The following ITLN2 variants were observed in gnomAD, a reference collection of about 807,000 sequenced individuals.
The protein encoded by ITLN2 is intelectin 2.
A neutral mutation model predicts 39.4 loss-of-function variants in ITLN2; 29 were observed. That is an observed-to-expected ratio of 0.74 (90% confidence interval 0.55 to 1.00). ITLN2 has a LOEUF of 1.00. Ranked by LOEUF, ITLN2 falls within the 50% of genes least tolerant of loss-of-function variation. ITLN2 has a pLI of 0.00. For synonymous variants in ITLN2, 156 were observed against 153.4 expected (o/e 1.02, Z -0.12); for missense variants, 412 against 416.7 (o/e 0.99, Z 0.10).
In ITLN2 at chr1:160,950,604, G is replaced by C; in HGVS notation, c.549C>G (p.Thr183=). ...CCAGTCTCTGGAGGAAGCCAGTGTT[G>C]GTGCGGTACCTCAGCAGGGCGCTGT... is the stretch of plus-strand genomic sequence containing the variant. ...WRNSALLRYR[T]NTGFLQRLGH... is the part of the protein sequence containing the mutation. Residue 183 remains threonine (T), a synonymous_variant, in exon 5 of 8, where the codon ACC becomes ACG. Coordinates refer to ENST00000368029, the MANE Select transcript of ITLN2 (RefSeq NM_080878.3). The C allele has an allele frequency of 1.2e-6, 2 of 1,614,232 alleles. No homozygotes were observed. The highest frequency in any genetic ancestry group is 1.7e-6 in the Non-Finnish European group (2 of 1,180,042).
chr1:160,949,952 T>C, intron 6 of ITLN2, 94 bp downstream of exon 6: 1 of 1,175,442 alleles, frequency 8.5e-7, no homozygotes, highest in South Asian at 1.5e-5. Flanking sequence ...AAGTGCTCAG[T>C]AAATACTAGC....
At position 160,949,884 on chromosome 1, in the gene ITLN2, T is replaced by A; in HGVS notation, c.721+162A>T. ...CAATTCTAACTTCATAGTTTTCTCA[T>A]GGTAATTAAATGACACAAAATCATG... On this transcript the variant is annotated intron_variant, in intron 6 of 7. Transcript: ENST00000368029. The A allele has an allele frequency of 3.1e-6, 2 of 637,658 alleles. 1 individual carries two copies. Among genetic ancestry groups the A allele is most frequent in the South Asian group, 4.7e-5 (2 of 42,706 alleles). The allele number at this position is 637,658 out of a possible 1,614,324, so 39.5% of individuals were successfully genotyped here. A position where few individuals can be genotyped will look rare whatever the true frequency, so the allele number is the denominator to read the frequency against.
chr1:160,947,929 A>T lies in ITLN2; in HGVS notation c.825T>A (p.His275Gln). The change falls in exon 7 of 8, where the codon CAT (histidine) becomes CAA (glutamine). Residue 275 changes from histidine (H) to glutamine (Q), a missense_variant and splice_region_variant. His to Gln is a conservative substitution (Grantham distance 24, BLOSUM62 0). Transcript: ENST00000368029. ...GIKVTGCNTE[H>Q]HCIGGGGFFP... ...GCCATTGATCTCCCCAAAAACTCACATGCTCAGTGTTACAGCCAGTAACTT... is the reference window on the plus strand; with the variant it reads ...GCCATTGATCTCCCCAAAAACTCACTTGCTCAGTGTTACAGCCAGTAACTT... 1 of 1,610,180 alleles carries T rather than the reference A, an allele frequency of 6.2e-7. No homozygotes were observed. Among genetic ancestry groups the T allele is most frequent in the Non-Finnish European group, 8.5e-7 (1 of 1,176,482 alleles).
chr1:160,946,890 A>G (rs536827695), intron 7 of ITLN2, among the ~76,000 whole-genome samples: 3 of 152,306 alleles, frequency 2.0e-5, no homozygotes, highest in African/African-American at 7.2e-5. Context: ...GTGCATACCC[A>G]TGCACACACA....
At chr1:160,951,548 C>A in intron 3 of ITLN2, 1 of 431,088 alleles carries the variant, frequency 2.3e-6, no homozygotes, top group Non-Finnish European at 4.1e-6. Flanking sequence ...ATCTCCCTCT[C>A]GACAGTGCCA....
chr1:160,951,004 ACCTCAC>A (rs752190085), intron 4 of ITLN2, 33 bp downstream of exon 4: 5 of 1,613,872 alleles, frequency 3.1e-6, no homozygotes, highest in Non-Finnish European at 4.2e-6. Context: ...CACACTCCAC[ACCTCAC>A]CCTCACCCAA....
In ITLN2 at chr1:160,952,729, T is replaced by A; in HGVS notation, c.84A>T (p.Ala28=). 1 of 1,612,040 alleles carries A rather than the reference T, an allele frequency of 6.2e-7. No homozygotes were observed. Among genetic ancestry groups the A allele is most frequent in the South Asian group, 1.1e-5 (1 of 91,008 alleles). ...SVATSGCSAA[A]ASSLEMLSRE... ...TCGAGAGCATCTCAAGAGAAGAGGC[T>A]GCTGCTAGAAAATGTGAGAATGAGT... The change falls in exon 3 of 8, where the codon GCA becomes GCT. Residue 28 remains alanine (A), a synonymous_variant. Transcript: ENST00000368029.
intron 6 of ITLN2, chr1:160,948,615 C>A (rs2101937716): frequency 6.7e-6 from 1 of 149,788 alleles, no homozygotes; most frequent in South Asian, 2.1e-4. Context: ...TTCCTGTGAA[C>A]CTCAGTGTGC....
Position 160,950,589 on chromosome 1 carries a change from G to T in ITLN2, c.564C>A (p.Leu188=), listed in dbSNP as rs1246960688. The change falls in exon 5 of 8, where the codon CTC becomes CTA. Residue 188 remains leucine, a synonymous_variant. Coordinates refer to ENST00000368029, the MANE Select transcript of ITLN2 (RefSeq NM_080878.3). ...CAAACAGATTATGTCCCAGTCTCTG[G>T]AGGAAGCCAGTGTTGGTGCGGTACC... ...LLRYRTNTGF[L]QRLGHNLFGI... is the part of the protein sequence containing the mutation. 1 of 1,614,218 alleles carries T rather than the reference G, an allele frequency of 6.2e-7. No homozygotes were observed. The highest frequency in any genetic ancestry group is 1.1e-5 in the South Asian group (1 of 91,086).
At position 160,945,098 on chromosome 1, in the gene ITLN2, G is replaced by A. The variant is rs555558852; in HGVS notation, c.*42C>T. ...GTTTTTCCGTCTCCAAATAGCCGGG[G>A]TTGGAAGATGGGTTCTCGCCCTGAC... On this transcript the variant is annotated 3_prime_UTR_variant, in exon 8 of 8. Transcript: ENST00000368029. 3.3e-6 allele frequency: 5 copies of A among 1,522,346 alleles called. No homozygotes were observed. The highest frequency in any genetic ancestry group is 3.5e-6 in the Non-Finnish European group (4 of 1,144,250). The allele number at this position is 1,522,346 out of a possible 1,614,324, so 94.3% of individuals were successfully genotyped here.
At chr1:160,953,062 CG>C (rs758114284) in intron 2 of ITLN2, among the ~76,000 whole-genome samples, 133 of 152,158 alleles carry the variant, frequency 8.7e-4, no homozygotes, top group Non-Finnish European at 1.6e-3. Flanking sequence ...AACCCACTAA[CG>C]GGGGTGAGGC....
In ITLN2 at chr1:160,950,095, G is replaced by A; in HGVS notation, c.672C>T (p.Asp224=). ...ATGCAGTCTTCTTAGCATCACCAAA[G>A]TCATAGACCACAGGTATGGCTGGGC... ...DNGPAIPVVY[D]FGDAKKTASY... is the part of the protein sequence containing the mutation. Residue 224 remains aspartate (D), a synonymous_variant, in exon 6 of 8, where the codon GAC becomes GAT. Coordinates refer to ENST00000368029, the MANE Select transcript of ITLN2 (RefSeq NM_080878.3). The A allele has an allele frequency of 6.2e-7, 1 of 1,613,864 alleles. No homozygotes were observed. Among genetic ancestry groups the A allele is most frequent in the Non-Finnish European group, 8.5e-7 (1 of 1,179,744 alleles).
At chr1:160,946,498 T>G (rs1224415858) in intron 7 of ITLN2, among the ~76,000 whole-genome samples, 1 of 151,632 alleles carries the variant, frequency 6.6e-6, no homozygotes, top group African/African-American at 2.4e-5. Context: ...GATCACGAGG[T>G]CAGGAGATCA....
chr1:160,952,567 T>C (rs1033375036), intron 3 of ITLN2, 53 bp downstream of exon 3: 2 of 1,255,502 alleles, frequency 1.6e-6, no homozygotes, highest in East Asian at 2.3e-5. Context: ...CTGGGCTCTG[T>C]TGAGCTAAAA....
intron 2 of ITLN2, among the ~76,000 whole-genome samples, chr1:160,953,412 G>A (rs995621725): frequency 6.6e-6 from 1 of 152,186 alleles, no homozygotes; most frequent in Admixed American, 6.5e-5. Context: ...GGGAAAAAGT[G>A]TAAAATTACA....
Position 160,952,795 on chromosome 1 carries a change from A to G in ITLN2, c.80-62T>C, listed in dbSNP as rs1047170395. 2.5e-6 allele frequency: 3 copies of G among 1,195,968 alleles called. No homozygotes were observed. The Admixed American group carries it at 5.2e-5, about 21-fold the overall frequency. 74.1% of individuals were successfully genotyped at this position (1,195,968 alleles called of 1,614,324 possible). ...ACCACTGAGGCCATCTTTCCTGGCC[A>G]ATCTCTGCCCCTGTATCAACTCATC... On this transcript the variant is annotated intron_variant, in intron 2 of 7. Coordinates refer to ENST00000368029, the MANE Select transcript of ITLN2 (RefSeq NM_080878.3).
At chr1:160,946,630 A>G (rs1005724183) in intron 7 of ITLN2, among the ~76,000 whole-genome samples, 1 of 150,770 alleles carries the variant, frequency 6.6e-6, no homozygotes, top group East Asian at 2.0e-4. Context: ...GGAGAATGGC[A>G]TGAACCCGGG....
intron 7 of ITLN2, 60 bp from the exon 8 acceptor site, chr1:160,945,352 C>T (rs980528908): frequency 1.7e-5 from 25 of 1,448,142 alleles, no homozygotes; most frequent in East Asian, 7.7e-5. Flanking sequence ...CACCAGTGAG[C>T]GCAAGGCTGG....
At chr1:160,952,816 T>C (rs1041494070) in intron 2 of ITLN2, 83 bp from the exon 3 acceptor site, 47 of 986,762 alleles carry the variant, frequency 4.8e-5, no homozygotes, top group Non-Finnish European at 5.2e-5. Context: ...CTGTATCAAC[T>C]CATCACTCTG....
Sources: gnomAD v4.1 joint callset for allele counts (sites outside exome capture counted in the v4.1 genomes callset) on GRCh38, gnomAD v4.1.1 for gene constraint, MANE v1.5 for transcripts, NCBI Gene and HGNC (gene_info 2026-07-23, HGNC 2026-07-21) for gene names.